The following FBXW10B variants were observed in gnomAD, a reference collection of about 807,000 sequenced individuals.
FBXW10B encodes the protein F-box and WD repeat domain containing protein 10B.
At chr17:15,619,280 T>A in the FBXW10B span, 16 of 1,613,974 alleles carry the variant, frequency 9.9e-6, no homozygotes, top group African/African-American at 1.9e-4. Flanking sequence ...CTGTGTGGTC[T>A]GAAGGATATT....
At chr17:15,585,699 A>G in the FBXW10B span, among the ~76,000 whole-genome samples, 1 of 152,206 alleles carries the variant, frequency 6.6e-6, no homozygotes, top group Non-Finnish European at 1.5e-5. Flanking sequence ...AAGCTTTGCT[A>G]ATTTTTTTCA....
the FBXW10B span, chr17:15,598,486 G>A: frequency 6.2e-7 from 1 of 1,613,220 alleles, no homozygotes; most frequent in Non-Finnish European, 8.5e-7. Flanking sequence ...GGTAACCTGT[G>A]GGTCGGGGGA....
chr17:15,593,223 T>C, the FBXW10B span: 1 of 1,537,610 alleles, frequency 6.5e-7, no homozygotes, highest in East Asian at 2.3e-5. Context: ...TAGAGAGGCA[T>C]TGCACACTCT....
At chr17:15,615,851 GTGTGT>G in the FBXW10B span, 1 of 1,613,496 alleles carries the variant, frequency 6.2e-7, no homozygotes, top group Non-Finnish European at 8.5e-7. Flanking sequence ...CTTGAAGTGG[GTGTGT>G]TGAGGAAAAT....
chr17:15,580,192 TTA>T, the FBXW10B span, among the ~76,000 whole-genome samples: 1 of 152,054 alleles, frequency 6.6e-6, no homozygotes, highest in Non-Finnish European at 1.5e-5. Flanking sequence ...TTCAAGAAAA[TTA>T]GTCTTTTTCT....
the FBXW10B span, among the ~76,000 whole-genome samples, chr17:15,595,356 A>G: frequency 1.3e-5 from 2 of 152,086 alleles, no homozygotes; most frequent in African/African-American, 2.4e-5. Context: ...AAATAAAGAA[A>G]AAAAGAAAAG....
the FBXW10B span, chr17:15,615,541 C>A: frequency 1.3e-6 from 2 of 1,538,780 alleles, no homozygotes; most frequent in Non-Finnish European, 8.8e-7. Context: ...TCTCGATCTC[C>A]TGACCTCATG....
the FBXW10B span, chr17:15,594,979 A>G: frequency 1.3e-6 from 2 of 1,548,488 alleles, no homozygotes; most frequent in Admixed American, 1.8e-5. Flanking sequence ...TCCCAAAGCC[A>G]CCCCCCAACC....
chr17:15,600,912 G>A, the FBXW10B span, among the ~76,000 whole-genome samples: 32,006 of 149,338 alleles, frequency 0.21, 3,784 homozygotes, highest in East Asian at 0.35. Context: ...TTAGCCAGGC[G>A]TGGTGGCACA....
the FBXW10B span, chr17:15,569,107 G>A: frequency 6.4e-6 from 4 of 625,542 alleles, no homozygotes; most frequent in African/African-American, 7.2e-5. Flanking sequence ...CATGAGTACA[G>A]GTATCTTTTT....
At chr17:15,589,049 T>C in the FBXW10B span, 24 of 1,607,868 alleles carry the variant, frequency 1.5e-5, no homozygotes, top group Non-Finnish European at 1.8e-5. Context: ...CCGCCTGTCA[T>C]GGGCTGGACA....
At chr17:15,613,989 T>G in the FBXW10B span, 1 of 1,602,416 alleles carries the variant, frequency 6.2e-7, no homozygotes, top group African/African-American at 1.4e-5. Flanking sequence ...GAAAACAGCC[T>G]ATTCATTTCG....
At chr17:15,610,871 G>A in the FBXW10B span, among the ~76,000 whole-genome samples, 1 of 152,164 alleles carries the variant, frequency 6.6e-6, no homozygotes, top group Non-Finnish European at 1.5e-5. Context: ...GAAAACAAAA[G>A]CAGGTCCACG....
At chr17:15,591,991 G>A in the FBXW10B span, among the ~76,000 whole-genome samples, 65 of 152,200 alleles carry the variant, frequency 4.3e-4, no homozygotes, top group East Asian at 2.7e-3. Context: ...CTGTGCCCCC[G>A]CAGCACTGCC....
At chr17:15,617,521 C>T in the FBXW10B span, among the ~76,000 whole-genome samples, 5 of 152,168 alleles carry the variant, frequency 3.3e-5, no homozygotes, top group Admixed American at 3.3e-4. Context: ...GAAATGTGAC[C>T]CCCAATGCTG....
chr17:15,612,833 C>CAA, the FBXW10B span: 12,631 of 1,583,186 alleles, frequency 8.0e-3, 568 homozygotes, highest in African/African-American at 0.15. Context: ...CCTGGAAAAA[C>CAA]AAAAAAAAAC....
chr17:15,619,351 CCT>C, the FBXW10B span: 2 of 1,613,836 alleles, frequency 1.2e-6, no homozygotes, highest in Non-Finnish European at 1.7e-6. Flanking sequence ...CTAGAAACCT[CCT>C]CTGTGATATG....
the FBXW10B span, among the ~76,000 whole-genome samples, chr17:15,596,082 T>G: frequency 6.6e-6 from 1 of 151,954 alleles, no homozygotes. Context: ...GAGACAGGGT[T>G]TCACTATGTT....
chr17:15,598,009 G>T, the FBXW10B span, among the ~76,000 whole-genome samples: 1 of 152,178 alleles, frequency 6.6e-6, no homozygotes, highest in Non-Finnish European at 1.5e-5. Context: ...AATCATTTCT[G>T]CTAGGTTAGC....
Sources: allele counts gnomAD v4.1 joint callset (sites outside exome capture counted in the v4.1 genomes callset), GRCh38; gene constraint gnomAD v4.1.1; transcripts MANE v1.5; gene names NCBI Gene and HGNC (gene_info 2026-07-23, HGNC 2026-07-21).